Variants in EIF4ENIF1 observed in about 807,000 individuals in gnomAD.
EIF4ENIF1 encodes the protein eukaryotic translation initiation factor 4E transporter.
A neutral mutation model predicts 110.5 loss-of-function variants in EIF4ENIF1; 23 were observed. That is an observed-to-expected ratio of 0.21 (90% CI 0.15 to 0.29). The LOEUF (loss-of-function observed/expected upper bound fraction) is 0.29. EIF4ENIF1 is among the 10% of genes least tolerant of loss of function. EIF4ENIF1 has a pLI of 1.00. For missense variants in EIF4ENIF1, 1,031 were observed against 1,221.1 expected (o/e 0.84, Z 2.32); for synonymous variants, 440 against 437.0 (o/e 1.01, Z -0.09).
At position 31,463,230 on chromosome 22, in the gene EIF4ENIF1, A is replaced by G. The variant is rs141823925; in HGVS notation, c.586-97T>C. 9.7e-5 allele frequency: 118 copies of G among 1,212,694 alleles called. No individual in the cohort carries two copies. The African/African-American group carries it at 1.2e-3, about 13-fold the overall frequency. 75.1% of individuals were successfully genotyped at this position (1,212,694 alleles called of 1,614,324 possible). On this transcript the variant is annotated intron_variant, in intron 5 of 18. Transcript: ENST00000330125. ...TGTAATGTTCAATAGTGAAAGGAAG[A>G]TATGATGCTGTATACCTGAGGCCCA...
At chr22:31,463,608 T>G (rs1432314608) in intron 5 of EIF4ENIF1, 73 bp downstream of exon 5, 1 of 1,409,894 alleles carries the variant, frequency 7.1e-7, no homozygotes, top group Non-Finnish European at 9.4e-7. Context: ...ATCGTGCCAT[T>G]GCACTCCAGC....
chr22:31,437,450 T>TCA (rs1555900377), downstream of EIF4ENIF1: 2 of 125,012 alleles, frequency 1.6e-5, no homozygotes, highest in Non-Finnish European at 1.7e-5. Context: ...TTTGCCTTCA[T>TCA]CCCCCCCCCA....
chr22:31,455,024 C>A, intron 9 of EIF4ENIF1, 112 bp downstream of exon 9: 3 of 886,866 alleles, frequency 3.4e-6, no homozygotes, highest in South Asian at 2.5e-5. Flanking sequence ...AAACAAAAAC[C>A]CAATATATAT....
Position 31,466,643 on chromosome 22 carries a change from G to C in EIF4ENIF1, c.298+1532C>G, listed in dbSNP as rs185250642. Among the ~76,000 whole-genome samples the C allele has an allele frequency of 2.3e-3, 277 of 121,156 alleles. 1 individual carries two copies. The highest frequency in any genetic ancestry group is 4.4e-3 in the Admixed American group (48 of 10,858). 79.5% of individuals were successfully genotyped at this position (121,156 alleles called of 152,430 possible). ...TTGCTTGGGAAGGGGGAAGTGTTGT[G>C]GGGGGGGCAGCTAAAGGGAGGGACA... On this transcript the variant is annotated intron_variant, in intron 4 of 18. Coordinates refer to ENST00000330125, the MANE Select transcript of EIF4ENIF1 (RefSeq NM_019843.4).
chr22:31,440,406 G>T (rs990326174), intron 18 of EIF4ENIF1, among the ~76,000 whole-genome samples: 11 of 152,114 alleles, frequency 7.2e-5, no homozygotes, highest in South Asian at 6.2e-4. Context: ...TGGTGAGGGG[G>T]TATATACCCT....
chr22:31,486,446 A>G (rs562204053), intron 2 of EIF4ENIF1, among the ~76,000 whole-genome samples: 6 of 151,968 alleles, frequency 3.9e-5, no homozygotes, highest in Non-Finnish European at 7.4e-5. Flanking sequence ...CCTGGGCGAC[A>G]CAGTGAGACT....
Position 31,479,004 on chromosome 22 carries a change from C to T in EIF4ENIF1, c.97-7087G>A, listed in dbSNP as rs191760368. 1.8e-3 allele frequency among the ~76,000 whole-genome samples: 264 copies of T among 147,718 alleles called. 3 individuals are homozygous for T. The highest frequency in any genetic ancestry group is 2.7e-3 in the East Asian group (13 of 4,730). On this transcript the variant is annotated intron_variant, in intron 2 of 18. Coordinates refer to ENST00000330125, the MANE Select transcript of EIF4ENIF1 (RefSeq NM_019843.4). ...TTTACAACTGTCCACATAATATATC[C>T]TGTGTGCCCAGTTTAGTGCCACACA...
chr22:31,475,086 T>G (rs1314310660), intron 2 of EIF4ENIF1, among the ~76,000 whole-genome samples: 1 of 152,192 alleles, frequency 6.6e-6, no homozygotes. Flanking sequence ...AGATGCCGCC[T>G]TAGGACTATA....
At chr22:31,473,941 T>TCTCTCCA (rs1263881735) in intron 2 of EIF4ENIF1, among the ~76,000 whole-genome samples, 1 of 152,098 alleles carries the variant, frequency 6.6e-6, no homozygotes, top group Non-Finnish European at 1.5e-5. Context: ...ACTCTAGCCC[T>TCTCTCCA]CTCTCCACTC....
At position 31,450,896 on chromosome 22, in the gene EIF4ENIF1, A is replaced by AC. The variant is rs747824280; in HGVS notation, c.1513-537_1513-536insG. The AC allele has an allele frequency of 6.5e-3, 745 of 115,306 alleles. 18 individuals carry two copies. The highest frequency in any genetic ancestry group is 0.023 in the Admixed American group (247 of 10,594). 7.1% of individuals were successfully genotyped at this position (115,306 alleles called of 1,614,324 possible). A position where few individuals can be genotyped will look rare whatever the true frequency, so the allele number is the denominator to read the frequency against. ...ACACACACACACACACACACACACAAAAGAGACAGGGTCTTGTTCTGTTGC... is the reference window on the plus strand; with the variant it reads ...ACACACACACACACACACACACACAACAAGAGACAGGGTCTTGTTCTGTTGC... On this transcript the variant is annotated intron_variant, in intron 10 of 18. Transcript: ENST00000330125.
intron 7 of EIF4ENIF1, among the ~76,000 whole-genome samples, chr22:31,456,259 T>C (rs2050809172): frequency 6.7e-6 from 1 of 150,312 alleles, no homozygotes; most frequent in South Asian, 2.1e-4. Flanking sequence ...AGTCTCGCTC[T>C]GTCACCCAGG....
At position 31,449,418 on chromosome 22, in the gene EIF4ENIF1, G is replaced by A. The variant is rs759318937; in HGVS notation, c.1698C>T (p.Pro566=). 4 of 1,614,190 alleles carry A rather than the reference G, an allele frequency of 2.5e-6. No homozygotes were observed. The highest frequency in any genetic ancestry group is 3.3e-5 in the Admixed American group (2 of 60,012). ...SLLGQRAPSP[P]LSQVFQTRAA... Reference sequence around the variant, plus strand: ...CTCGAGTTTGAAACACCTGTGACAAGGGAGGAGAGGGTGCTCTTTGGCCCA... The same window carrying A: ...CTCGAGTTTGAAACACCTGTGACAAAGGAGGAGAGGGTGCTCTTTGGCCCA... Residue 566 remains proline (P), a synonymous_variant, in exon 12 of 19, where the codon CCC becomes CCT. Transcript: ENST00000330125.
Position 31,463,815 on chromosome 22 carries a change from C to T in EIF4ENIF1, c.451G>A (p.Gly151Ser). 1 of 1,614,112 alleles carries T rather than the reference C, an allele frequency of 6.2e-7. No homozygotes were observed. Among genetic ancestry groups the T allele is most frequent in the South Asian group, 1.1e-5 (1 of 91,084 alleles). The change falls in exon 5 of 19, where the codon GGT becomes AGT. Residue 151 changes from glycine to serine, a missense_variant. Physicochemically the swap from Gly to Ser is moderately conservative, Grantham distance 56. This residue lies in a region of EIF4ENIF1 where 704 missense variants were observed against 879.7 expected (regional missense o/e 0.80). Transcript: ENST00000330125. ...CTCCCACTGCCAATCCTACGTCCAC[C>T]AAGCAGACGAAGCCCATCACTATCT... ...EKDSDGLRLL[G>S]GRRIGSGRII...
intron 5 of EIF4ENIF1, 112 bp from the exon 6 acceptor site, chr22:31,463,245 C>A: frequency 9.7e-7 from 1 of 1,032,878 alleles, no homozygotes; most frequent in Non-Finnish European, 1.4e-6. Flanking sequence ...ATGCTGTATA[C>A]CTGAGGCCCA....
At chr22:31,490,342 C>A (rs1302555736), upstream of EIF4ENIF1, among the ~76,000 whole-genome samples, 16 of 152,220 alleles carry the variant, frequency 1.1e-4, no homozygotes, top group Admixed American at 1.0e-3. Context: ...TGGGGTCTTC[C>A]GAGCCTTCCC....
At chr22:31,490,737 G>A (rs1444821883), upstream of EIF4ENIF1, among the ~76,000 whole-genome samples, 4 of 152,178 alleles carry the variant, frequency 2.6e-5, no homozygotes, top group Admixed American at 2.6e-4. Context: ...TGGGGAGGAA[G>A]TCCTATGTGC....
At chr22:31,483,931 T>C (rs531607005) in intron 2 of EIF4ENIF1, among the ~76,000 whole-genome samples, 1 of 152,292 alleles carries the variant, frequency 6.6e-6, no homozygotes, top group South Asian at 2.1e-4. Context: ...TTTATAACCA[T>C]CCCACAATGA....
intron 5 of EIF4ENIF1, 105 bp downstream of exon 5, chr22:31,463,576 G>A: frequency 8.7e-7 from 1 of 1,152,138 alleles, no homozygotes; most frequent in Non-Finnish European, 1.2e-6. Flanking sequence ...CAGATACTGG[G>A]CTGAGGCAGC....
intron 10 of EIF4ENIF1, 62 bp downstream of exon 10, chr22:31,454,082 G>A (rs950564243): frequency 1.4e-6 from 2 of 1,446,362 alleles, no homozygotes; most frequent in African/African-American, 1.4e-5. Context: ...TCCTTTTATT[G>A]TGGTGGGAAA....
Sources: allele counts gnomAD v4.1 joint callset (sites outside exome capture counted in the v4.1 genomes callset), GRCh38; gene constraint gnomAD v4.1.1; regional missense constraint gnomAD v4.1.1; transcripts MANE v1.5; gene names NCBI Gene and HGNC (gene_info 2026-07-23, HGNC 2026-07-21).